The following ENSA variants were observed in gnomAD, a reference collection of about 807,000 sequenced individuals.
The protein encoded by ENSA is alpha-endosulfine.
A neutral mutation model predicts 16.8 loss-of-function variants in ENSA; 7 were observed. The observed-to-expected ratio is 0.42, with a 90% CI of 0.24 to 0.78. The LOEUF (loss-of-function observed/expected upper bound fraction) is 0.78, where lower values mean the gene tolerates loss of function less well. Among genes scored for constraint, ENSA ranks in the 30% least tolerant of loss-of-function variants. ENSA has a pLI of 0.29. For missense variants in ENSA, 87 were observed against 142.3 expected (o/e 0.61, Z 1.98); for synonymous variants, 58 against 53.4 (o/e 1.09, Z -0.37).
chr1:150,624,816 T>A, intron 3 of ENSA: 1 of 983,322 alleles, frequency 1.0e-6, no homozygotes, highest in Admixed American at 6.1e-5. Flanking sequence ...GAATCAATCT[T>A]ACATACATTT....
chr1:150,627,110 A>G, intron 2 of ENSA: 2 of 1,404,894 alleles, frequency 1.4e-6, no homozygotes, highest in South Asian at 3.4e-5. Context: ...GAAATGATGC[A>G]TCCCAAAATT....
chr1:150,624,845 A>T (rs1399079344), intron 3 of ENSA: 14 of 975,714 alleles, frequency 1.4e-5, no homozygotes, highest in Non-Finnish European at 1.6e-5. Context: ...TTTACAGATG[A>T]GGAAATAGAA....
chr1:150,629,328 T>A, intron 1 of ENSA, 86 bp downstream of exon 1: 1 of 1,557,642 alleles, frequency 6.4e-7, no homozygotes. Flanking sequence ...CCTGAGACCA[T>A]GGCGACCAAT....
chr1:150,627,045 ATTCAT>A (rs995964815), intron 2 of ENSA: 3 of 1,225,756 alleles, frequency 2.4e-6, no homozygotes, highest in South Asian at 2.1e-5. Flanking sequence ...GAAGAAACTG[ATTCAT>A]TTCAAGTTGA....
chr1:150,627,090 ATCT>A (rs1374803993), intron 2 of ENSA: 13 of 1,364,274 alleles, frequency 9.5e-6, no homozygotes, highest in South Asian at 7.0e-5. Flanking sequence ...AGATGGTTTG[ATCT>A]TCTTCTGAAA....
At chr1:150,624,015 T>A (rs1379689924) in intron 3 of ENSA, 27 of 985,322 alleles carry the variant, frequency 2.7e-5, no homozygotes, top group Non-Finnish European at 3.1e-5. Context: ...GAATTTGTGA[T>A]GTGAGAGGGC....
At chr1:150,629,158 C>T in intron 1 of ENSA, 1 of 1,613,910 alleles carries the variant, frequency 6.2e-7, no homozygotes. Flanking sequence ...CATGCTCGGC[C>T]AATTATAGCA....
At chr1:150,621,875 T>C (rs2101731400), downstream of ENSA, 1 of 152,326 alleles carries the variant, frequency 6.6e-6, no homozygotes, top group South Asian at 2.1e-4. Context: ...GGACTAGGCT[T>C]AGGTGTCAAG....
At chr1:150,623,230 C>T in intron 3 of ENSA, 4 of 1,060,522 alleles carry the variant, frequency 3.8e-6, no homozygotes, top group Non-Finnish European at 4.6e-6. Context: ...TGAGGTAGCA[C>T]AGAGATGAGG....
At chr1:150,621,921 T>C (rs1463534747), downstream of ENSA, 2 of 152,274 alleles carry the variant, frequency 1.3e-5, no homozygotes, top group Admixed American at 1.3e-4. Flanking sequence ...ATGCCTCATT[T>C]TGTGAGCCAC....
In ENSA at chr1:150,622,724, C is replaced by G; in HGVS notation, c.*120G>C. On this transcript the variant is annotated 3_prime_UTR_variant, in exon 4 of 4. Coordinates refer to ENST00000369014, the MANE Select transcript of ENSA (RefSeq NM_004436.4). ...GGAAAGGGCTTCTGCCTCTCCAGCC[C>G]ACACCCGAGCCACCTCCTGACCCCT... is the stretch of plus-strand genomic sequence containing the variant. The G allele has an allele frequency of 8.7e-7, 1 of 1,148,020 alleles. No individual in the cohort carries two copies. The highest frequency in any genetic ancestry group is 2.6e-5 in the East Asian group (1 of 37,806). The allele number at this position is 1,148,020 out of a possible 1,614,324, so 71.1% of individuals were successfully genotyped here.
At chr1:150,624,473 C>G in intron 3 of ENSA, 1 of 985,924 alleles carries the variant, frequency 1.0e-6, no homozygotes, top group South Asian at 4.7e-5. Flanking sequence ...CTCAGGCCTG[C>G]AGCTCCGCTG....
At chr1:150,628,821 T>C (rs955531220) in intron 1 of ENSA, among the ~76,000 whole-genome samples, 4 of 152,294 alleles carry the variant, frequency 2.6e-5, no homozygotes, top group African/African-American at 7.2e-5. Context: ...TTAATTACCA[T>C]GATTCTGTTT....
intron 3 of ENSA, chr1:150,625,118 G>A (rs2101739696): frequency 1.0e-6 from 1 of 985,446 alleles, no homozygotes; most frequent in Non-Finnish European, 1.2e-6. Context: ...GTAGTTTTAG[G>A]CAAGCAAGTC....
In ENSA at chr1:150,626,584, C is replaced by T. The variant is rs112139865; in HGVS notation, c.184-776G>A. The T allele has an allele frequency of 1.6e-5, 22 of 1,347,312 alleles. No individual in the cohort carries two copies. The Middle Eastern group carries it at 5.4e-4, about 33-fold the overall frequency. The allele number at this position is 1,347,312 out of a possible 1,614,324, so 83.5% of individuals were successfully genotyped here. A position where few individuals can be genotyped will look rare whatever the true frequency, so the allele number is the denominator to read the frequency against. On this transcript the variant is annotated intron_variant, in intron 2 of 3. Transcript: ENST00000369014. Reference sequence around the variant, plus strand: ...AAAAAAATTTTTTTTTGAGATGGAGCCTCGCTATGTTGCCCAGGCTGGAGT... The same window carrying T: ...AAAAAAATTTTTTTTTGAGATGGAGTCTCGCTATGTTGCCCAGGCTGGAGT...
intron 2 of ENSA, chr1:150,627,184 G>A (rs971986138): frequency 1.3e-5 from 19 of 1,486,722 alleles, no homozygotes; most frequent in Non-Finnish European, 1.6e-5. Context: ...GCAAATGCCT[G>A]GGGGCAGTCT....
In ENSA at chr1:150,628,498, CT is replaced by C. The variant is rs36124577; in HGVS notation, c.58-907del. 6.3e-3 allele frequency among the ~76,000 whole-genome samples: 900 copies of C among 142,660 alleles called. 2 individuals are homozygous for C. Among genetic ancestry groups the C allele is most frequent in the Middle Eastern group, 0.014 (4 of 278 alleles). The allele number at this position is 142,660 out of a possible 152,430, so 93.6% of individuals were successfully genotyped here. On this transcript the variant is annotated intron_variant, in intron 1 of 3. Transcript: ENST00000369014. Reference sequence around the variant, plus strand: ...GGACTCTCACTACTGTAGTCAATCTCTTTTTTTTTTTTTTGTGGTCCCTGCT... The same window carrying C: ...GGACTCTCACTACTGTAGTCAATCTCTTTTTTTTTTTTTGTGGTCCCTGCT...
chr1:150,629,319 C>A, intron 1 of ENSA, 95 bp downstream of exon 1: 2 of 1,554,080 alleles, frequency 1.3e-6, no homozygotes, highest in South Asian at 1.2e-5. Flanking sequence ...CCTGCGGAGC[C>A]TGAGACCATG....
rs1016518214 is a variant in ENSA, at chr1:150,629,525, A to G, written c.-55T>C. ...GCCCGGGAAGGCAACCGGAGAAGGGAAGGGGGAGGGGAAACGGGGACAACC... is the reference window on the plus strand; with the variant it reads ...GCCCGGGAAGGCAACCGGAGAAGGGGAGGGGGAGGGGAAACGGGGACAACC... On this transcript the variant is annotated 5_prime_UTR_variant, in exon 1 of 4. Transcript: ENST00000369014. 22 of 1,593,512 alleles carry G rather than the reference A, an allele frequency of 1.4e-5. No individual in the cohort carries two copies. Among genetic ancestry groups the G allele is most frequent in the Non-Finnish European group, 1.9e-5 (22 of 1,170,992 alleles).
Sources: gnomAD v4.1 joint callset for allele counts (sites outside exome capture counted in the v4.1 genomes callset) on GRCh38, gnomAD v4.1.1 for gene constraint, MANE v1.5 for transcripts, NCBI Gene and HGNC (gene_info 2026-07-23, HGNC 2026-07-21) for gene names.